Variants in NUP93 observed in about 807,000 individuals in gnomAD.
The protein encoded by NUP93 is nucleoporin 93, also known as nuclear pore complex protein Nup93.
A neutral mutation model predicts 107.8 loss-of-function variants in NUP93; 55 were observed. That is an observed-to-expected ratio of 0.51 (90% CI 0.41 to 0.64). NUP93 has a LOEUF of 0.64. Ranked by LOEUF, NUP93 falls within the 30% of genes least tolerant of loss-of-function variation. NUP93 has a pLI of 0.00. For missense variants in NUP93, 937 were observed against 1,044.7 expected (o/e 0.90, Z 1.42); for synonymous variants, 390 against 397.5 (o/e 0.98, Z 0.22).
intron 20 of NUP93, among the ~76,000 whole-genome samples, chr16:56,841,401 A>C (rs1964022551): frequency 1.3e-5 from 2 of 152,222 alleles, no homozygotes. Context: ...TCTGCTGGCC[A>C]GTCTAAGCCT....
chr16:56,839,048 T>C lies in NUP93; in HGVS notation c.2115T>C (p.Gly705=). 1 of 1,612,522 alleles carries C rather than the reference T, an allele frequency of 6.2e-7. No individual in the cohort carries two copies. The highest frequency in any genetic ancestry group is 8.5e-7 in the Non-Finnish European group (1 of 1,178,678). ...CCTTTTTTGACGAGTATCATAGTGG[T>C]CATATTGATAGAGCTTTTGATGTAA... The part of the protein sequence containing the change: ...LITFFDEYHS[G]HIDRAFDIIE... The change falls in exon 19 of 22, where the codon GGT becomes GGC. Residue 705 remains glycine, a synonymous_variant. Coordinates refer to ENST00000308159, the MANE Select transcript of NUP93 (RefSeq NM_014669.5).
At chr16:56,800,342 C>T (rs79600951) in intron 4 of NUP93, among the ~76,000 whole-genome samples, 1 of 152,056 alleles carries the variant, frequency 6.6e-6, no homozygotes, top group Non-Finnish European at 1.5e-5. Flanking sequence ...AACATTGATT[C>T]TCCTGCTGTA....
Position 56,760,770 on chromosome 16 carries a change from C to T in NUP93, c.297+2115C>T, listed in dbSNP as rs112394171. 4.1e-3 allele frequency among the ~76,000 whole-genome samples: 631 copies of T among 152,192 alleles called. 5 individuals are homozygous for T. The highest frequency in any genetic ancestry group is 0.015 in the African/African-American group (604 of 41,538). ...TTGGCAGAGACATGTATTCAAACTA[C>T]GTTACTCTGTCTCTACAAAGATAAA... On this transcript the variant is annotated intron_variant, in intron 3 of 21. Coordinates refer to ENST00000308159, the MANE Select transcript of NUP93 (RefSeq NM_014669.5).
In NUP93 at chr16:56,766,967, A is replaced by G. The variant is rs907615992; in HGVS notation, c.297+8312A>G. Among the ~76,000 whole-genome samples, 5 of 152,242 alleles carry G rather than the reference A, an allele frequency of 3.3e-5. No individual in the cohort carries two copies. In the East Asian group the frequency reaches 5.8e-4, roughly 18 times the overall value. On this transcript the variant is annotated intron_variant, in intron 3 of 21. Transcript: ENST00000308159. Reference sequence around the variant, plus strand: ...GAATTTTCTTGTGCTGCAGTGCTCTAAGAACCAGTGTGTATCGCTTTCTTT... The same window carrying G: ...GAATTTTCTTGTGCTGCAGTGCTCTGAGAACCAGTGTGTATCGCTTTCTTT...
chr16:56,808,843 T>TAC (rs1437275982), intron 5 of NUP93, among the ~76,000 whole-genome samples: 1 of 147,320 alleles, frequency 6.8e-6, no homozygotes, highest in South Asian at 2.1e-4. Context: ...TATATATAAA[T>TAC]ACACATATAT....
chr16:56,802,255 A>G (rs894288662), intron 4 of NUP93, among the ~76,000 whole-genome samples: 2 of 152,128 alleles, frequency 1.3e-5, no homozygotes, highest in Non-Finnish European at 2.9e-5. Flanking sequence ...TGTGGCTCAC[A>G]CTTGTCCATT....
intron 4 of NUP93, among the ~76,000 whole-genome samples, chr16:56,801,961 C>G (rs958574323): frequency 7.2e-5 from 11 of 152,202 alleles, no homozygotes; most frequent in Non-Finnish European, 1.3e-4. Flanking sequence ...TCAGCAGTCT[C>G]TGTGGGTGGT....
chr16:56,772,886 G>T (rs1962348142), intron 3 of NUP93, among the ~76,000 whole-genome samples: 1 of 152,220 alleles, frequency 6.6e-6, no homozygotes, highest in African/African-American at 2.4e-5. Flanking sequence ...TACTGTGATA[G>T]TGCGAAATAT....
intron 15 of NUP93, 86 bp downstream of exon 15, chr16:56,834,528 T>G (rs1963871374): frequency 2.2e-6 from 3 of 1,394,364 alleles, no homozygotes; most frequent in Non-Finnish European, 3.0e-6. Flanking sequence ...TACTTCAATA[T>G]GGTTGTGGTG....
intron 3 of NUP93, among the ~76,000 whole-genome samples, chr16:56,795,381 C>T (rs1424296299): frequency 6.6e-6 from 1 of 152,126 alleles, no homozygotes; most frequent in Non-Finnish European, 1.5e-5. Context: ...AAACAAGGCC[C>T]ATTAAAATCT....
Position 56,818,691 on chromosome 16 carries a change from C to G in NUP93, c.517C>G (p.Pro173Ala). 6.2e-7 allele frequency: 1 copy of G among 1,614,072 alleles called. No homozygotes were observed. Among genetic ancestry groups the G allele is most frequent in the Non-Finnish European group, 8.5e-7 (1 of 1,179,948 alleles). The change falls in exon 6 of 22, where the codon CCT becomes GCT. Residue 173 changes from proline (P) to alanine (A), a missense_variant. Transcript: ENST00000308159. Reference protein sequence around the residue: ...EPSYISDVGPPGRSSLDNIEM... With the variant: ...EPSYISDVGPAGRSSLDNIEM... Reference sequence around the variant, plus strand: ...AAGCTACATCAGTGATGTGGGACCCCCTGGTCGAAGCTCTCTGGATAACAT... The same window carrying G: ...AAGCTACATCAGTGATGTGGGACCCGCTGGTCGAAGCTCTCTGGATAACAT...
intron 8 of NUP93, among the ~76,000 whole-genome samples, chr16:56,826,439 C>T (rs1195669166): frequency 1.2e-4 from 18 of 151,364 alleles, no homozygotes; most frequent in Admixed American, 1.1e-3. Context: ...TCACTTGAAC[C>T]TGGGAGGCAG....
chr16:56,838,439 G>GTACCTGTAGGTGGAT (rs1963956123), intron 18 of NUP93, among the ~76,000 whole-genome samples: 2 of 152,202 alleles, frequency 1.3e-5, no homozygotes, highest in Non-Finnish European at 2.9e-5. Flanking sequence ...ATGTGGTGGA[G>GTACCTGTAGGTGGAT]TACCTGTAGG....
intron 5 of NUP93, among the ~76,000 whole-genome samples, chr16:56,807,856 A>G (rs1158683009): frequency 1.3e-5 from 2 of 151,586 alleles, no homozygotes; most frequent in Non-Finnish European, 2.9e-5. Flanking sequence ...CCTGGTCTCT[A>G]CTAAAAATAA....
chr16:56,827,438 C>T (rs1596848414), intron 8 of NUP93, among the ~76,000 whole-genome samples: 1 of 152,168 alleles, frequency 6.6e-6, no homozygotes, highest in African/African-American at 2.4e-5. Context: ...AGAATACTTG[C>T]ATGACTTCCA....
At chr16:56,775,934 A>G (rs2144511151) in intron 3 of NUP93, among the ~76,000 whole-genome samples, 1 of 152,160 alleles carries the variant, frequency 6.6e-6, no homozygotes, top group Admixed American at 6.5e-5. Flanking sequence ...ACAGGTCATC[A>G]CCATAGTTGC....
intron 3 of NUP93, among the ~76,000 whole-genome samples, chr16:56,775,200 C>T (rs1261426573): frequency 3.3e-5 from 5 of 152,096 alleles, no homozygotes; most frequent in Non-Finnish European, 5.9e-5. Flanking sequence ...CGCGCCCAGC[C>T]CGAATTAAGT....
At chr16:56,738,950 T>C (rs1235096151) in intron 1 of NUP93, among the ~76,000 whole-genome samples, 2 of 150,024 alleles carry the variant, frequency 1.3e-5, no homozygotes, top group Non-Finnish European at 3.0e-5. Flanking sequence ...AATTTCTTTT[T>C]TTTTTTTTTT....
intron 3 of NUP93, chr16:56,781,709 T>G: frequency 2.7e-6 from 1 of 375,538 alleles, no homozygotes; most frequent in Non-Finnish European, 3.7e-6. Context: ...ATTGCAGTGG[T>G]TTGGGTTGGG....
Sources: gnomAD v4.1 joint callset for allele counts (sites outside exome capture counted in the v4.1 genomes callset) on GRCh38, gnomAD v4.1.1 for gene constraint, MANE v1.5 for transcripts, NCBI Gene and HGNC (gene_info 2026-07-23, HGNC 2026-07-21) for gene names.